The following NEB variants were observed in gnomAD, a reference collection of about 807,000 sequenced individuals.
NEB encodes nebulin, also known as nemaline myopathy type 2.
Under a neutral mutation model 952.2 loss-of-function variants are expected in NEB, and 512 were observed. The ratio of observed to expected loss-of-function variants is 0.54; its 90% CI spans 0.50 to 0.58. The LOEUF (loss-of-function observed/expected upper bound fraction) is 0.58, where lower values mean the gene tolerates loss of function less well. NEB is among the 20% of genes least tolerant of loss of function. NEB has a pLI of 0.00. For missense variants in NEB, 8,428 were observed against 9,231.1 expected, an observed-to-expected ratio of 0.91 and a Z score of 3.56; for synonymous variants, 2,900 against 3,149.8, an observed-to-expected ratio of 0.92 and a Z score of 2.66.
At chr2:151,621,541 G>T (rs1249333206) in intron 71 of NEB, among the ~76,000 whole-genome samples, 1 of 152,180 alleles carries the variant, frequency 6.6e-6, no homozygotes. Flanking sequence ...GCTGCAAGTT[G>T]TTCGAGGACA....
Position 151,562,612 on chromosome 2 carries a change from T to G in NEB, c.18890A>C (p.Asp6297Ala), listed in dbSNP as rs1304876177. ...CAAGCTGCAGAAGGGACATCATACA[T>G]CACTCAAGATCTCCTGGGCGTTTCG... ...RVRNAQEILSDNVYKDDLNWL... is the reference protein window; with the variant it reads ...RVRNAQEILSANVYKDDLNWL... Residue 6297 changes from aspartate to alanine, a missense_variant and splice_region_variant, in exon 120 of 182, where the codon GAT becomes GCT. Asp to Ala is a moderately radical substitution (Grantham distance 126). Transcript: ENST00000397345. The G allele has an allele frequency of 6.4e-7, 1 of 1,566,974 alleles. No homozygotes were observed. Among genetic ancestry groups the G allele is most frequent in the Non-Finnish European group, 8.7e-7 (1 of 1,148,224 alleles).
chr2:151,608,772 G>T (rs1374894042), intron 81 of NEB, 96 bp from the exon 82 acceptor site: 1 of 96,812 alleles, frequency 1.0e-5, no homozygotes. Context: ...GCATGGTGGC[G>T]CATGCCTGTA....
At position 151,617,485 on chromosome 2, in the gene NEB, AAAAG is replaced by A. The variant is rs751075730; in HGVS notation, c.11077-21_11077-18del. On this transcript the variant is annotated intron_variant, in intron 74 of 181. Transcript: ENST00000397345. Reference sequence around the variant, plus strand: ...ATATAAGCGCTACAAAAAAAAAAAAAAAAGAGAGAGAGAGAGAGAAAAATTATTT... The same window carrying A: ...ATATAAGCGCTACAAAAAAAAAAAAAAGAGAGAGAGAGAGAAAAATTATTT... 1.9e-4 allele frequency: 268 copies of A among 1,389,136 alleles called. No individual in the cohort carries two copies. The highest frequency in any genetic ancestry group is 3.6e-4 in the Admixed American group (15 of 42,028). 86.1% of individuals were successfully genotyped at this position (1,389,136 alleles called of 1,614,324 possible).
chr2:151,672,224 A>G, intron 37 of NEB, 145 bp downstream of exon 37: 1 of 760,360 alleles, frequency 1.3e-6, no homozygotes, highest in Non-Finnish European at 2.0e-6. Flanking sequence ...CTTGTCTACC[A>G]TGCCTTTGGT....
rs761276192 is a variant in NEB, at chr2:151,694,358, G to T, written c.1861C>A (p.Leu621Met). 6.2e-7 allele frequency: 1 copy of T among 1,613,992 alleles called. No homozygotes were observed. The highest frequency in any genetic ancestry group is 8.5e-7 in the Non-Finnish European group (1 of 1,179,882). ...TTTTTGGCCACCTTCAAGGAGTGCA[G>T]CATCTTGGGATCGTCATTAATGCTG... is the stretch of plus-strand genomic sequence containing the variant. ...VLSINDDPKMLHSLKVAKNQS... is the reference protein window; with the variant it reads ...VLSINDDPKMMHSLKVAKNQS... The change falls in exon 20 of 182, where the codon CTG (leucine) becomes ATG (methionine). Residue 621 changes from leucine (L) to methionine (M), a missense_variant. Physicochemically the swap from Leu to Met is conservative, Grantham distance 15. Transcript: ENST00000397345.
At chr2:151,510,266 T>C (rs2073095926) in intron 161 of NEB, among the ~76,000 whole-genome samples, 2 of 152,214 alleles carry the variant, frequency 1.3e-5, no homozygotes, top group South Asian at 4.1e-4. Flanking sequence ...ACAGTAAAAC[T>C]TGTTTAATTC....
intron 35 of NEB, 65 bp downstream of exon 35, chr2:151,675,222 A>T: frequency 8.9e-7 from 1 of 1,122,298 alleles, no homozygotes; most frequent in South Asian, 1.3e-5. Context: ...GCACCATCCT[A>T]CTCTTAAAGT....
At chr2:151,626,160 C>T (rs2098520722) in intron 70 of NEB, among the ~76,000 whole-genome samples, 1 of 150,874 alleles carries the variant, frequency 6.6e-6, no homozygotes, top group Non-Finnish European at 1.5e-5. Context: ...CTTGCCCAGG[C>T]TGGAATGTAG....
intron 124 of NEB, among the ~76,000 whole-genome samples, chr2:151,557,838 T>A (rs2153685404): frequency 6.6e-6 from 1 of 152,324 alleles, no homozygotes; most frequent in East Asian, 1.9e-4. Context: ...CTAAAAACTC[T>A]CAATAAACTA....
At chr2:151,698,522 T>C (rs1036012898) in intron 13 of NEB, among the ~76,000 whole-genome samples, 2 of 152,192 alleles carry the variant, frequency 1.3e-5, no homozygotes, top group Non-Finnish European at 2.9e-5. Flanking sequence ...CACTGAATTA[T>C]ACACTTTGAA....
At chr2:151,666,719 G>T (rs887345273) in intron 40 of NEB, among the ~76,000 whole-genome samples, 6 of 151,538 alleles carry the variant, frequency 4.0e-5, no homozygotes, top group African/African-American at 7.3e-5. Context: ...TTGTTTTTTG[G>T]TTTTTTTGTT....
chr2:151,517,594 G>A (rs1052527639), intron 156 of NEB, among the ~76,000 whole-genome samples: 1 of 152,168 alleles, frequency 6.6e-6, no homozygotes, highest in African/African-American at 2.4e-5. Context: ...ACATCACAGA[G>A]TACACTTACA....
intron 78 of NEB, among the ~76,000 whole-genome samples, chr2:151,611,478 G>C (rs115047526): frequency 6.6e-6 from 1 of 152,128 alleles, no homozygotes; most frequent in African/African-American, 2.4e-5. Flanking sequence ...CCAGACTCTG[G>C]AGTTTGCTAT....
chr2:151,670,517 A>AGACGTGGT (rs764605808), intron 38 of NEB, among the ~76,000 whole-genome samples: 5 of 148,812 alleles, frequency 3.4e-5, no homozygotes, highest in Non-Finnish European at 5.9e-5. Flanking sequence ...GAGTCCATAC[A>AGACGTGGT]GACGTGGTCT....
At chr2:151,495,196 T>C (rs1404271574) in intron 173 of NEB, 2 of 152,222 alleles carry the variant, frequency 1.3e-5, no homozygotes, top group Non-Finnish European at 2.9e-5. Flanking sequence ...TAACACATCA[T>C]GATAAATCCT....
chr2:151,714,462 T>C (rs1233742620), intron 10 of NEB, among the ~76,000 whole-genome samples: 2 of 152,192 alleles, frequency 1.3e-5, no homozygotes, highest in Non-Finnish European at 2.9e-5. Context: ...AAGTTCATAG[T>C]CTTTCTGTAA....
Position 151,667,821 on chromosome 2 carries a change from T to C in NEB, c.4702A>G (p.Arg1568Gly), listed in dbSNP as rs2099239719. The C allele has an allele frequency of 6.2e-7, 1 of 1,612,388 alleles. No individual in the cohort carries two copies. The highest frequency in any genetic ancestry group is 1.3e-5 in the African/African-American group (1 of 74,904). Residue 1568 changes from arginine to glycine, a missense_variant, in exon 40 of 182, where the codon AGG becomes GGG. Arg to Gly is a moderately radical substitution (Grantham distance 125). Coordinates refer to ENST00000397345, the MANE Select transcript of NEB (RefSeq NM_001164508.2). ...AIPIVAAKSS[R>G]NIASDCKYKE... ...AGACTTACATCACTAGCAATATTCCTTGAACTTTTTGCAGCAACAATTGGG... is the reference window on the plus strand; with the variant it reads ...AGACTTACATCACTAGCAATATTCCCTGAACTTTTTGCAGCAACAATTGGG...
rs768602739 is a variant in NEB at position 151,636,304 on chromosome 2, T to G, written c.9025A>C (p.Lys3009Gln). Residue 3009 changes from lysine to glutamine, a missense_variant, in exon 64 of 182, where the codon AAG (lysine) becomes CAG (glutamine). Around this residue, in one of 11 missense-constraint regions of NEB, gnomAD observed 1,772 missense variants for 1,960.3 expected, o/e 0.90. Coordinates refer to ENST00000397345, the MANE Select transcript of NEB (RefSeq NM_001164508.2). ...CTTCGCAAGTCATAGCCTTTCTTCT[T>G]TGCTTCTTCATTAGCAAGTTTGTAC... Reference protein sequence around the residue: ...SLYKLANEEAKKKGYDLRSDA... With the variant: ...SLYKLANEEAQKKGYDLRSDA... The G allele has an allele frequency of 6.2e-6, 10 of 1,608,560 alleles. No homozygotes were observed. Among genetic ancestry groups the G allele is most frequent in the Non-Finnish European group, 5.9e-6 (7 of 1,179,682 alleles).
At chr2:151,728,203 G>A (rs533225671) in intron 4 of NEB, among the ~76,000 whole-genome samples, 4 of 152,078 alleles carry the variant, frequency 2.6e-5, no homozygotes, top group East Asian at 3.9e-4. Context: ...TCAAAGTAGT[G>A]GGGGGGAAAT....
Sources: gnomAD v4.1 joint callset for allele counts (sites outside exome capture counted in the v4.1 genomes callset) on GRCh38, gnomAD v4.1.1 for gene constraint, gnomAD v4.1.1 regional missense constraint, MANE v1.5 for transcripts, NCBI Gene and HGNC (gene_info 2026-07-23, HGNC 2026-07-21) for gene names.